SIPA1L2: variants seen among roughly 807,000 people sequenced by gnomAD.
SIPA1L2 encodes signal induced proliferation associated 1 like 2.
SIPA1L2 carries 56 observed loss-of-function variants against 163.9 expected under a neutral mutation model. The observed-to-expected ratio is 0.34, with a 90% CI of 0.28 to 0.43. The LOEUF (loss-of-function observed/expected upper bound fraction) is 0.43. Among genes scored for constraint, SIPA1L2 ranks in the 20% least tolerant of loss-of-function variants. SIPA1L2 has a pLI of 1.00. For missense variants in SIPA1L2, 1,974 were observed against 2,193.5 expected, an observed-to-expected ratio of 0.90 and a Z score of 2.00; for synonymous variants, 877 against 865.7, an observed-to-expected ratio of 1.01 and a Z score of -0.23.
chr1:232,523,841 T>A (rs909134392), intron 2 of SIPA1L2, among the ~76,000 whole-genome samples: 6 of 152,232 alleles, frequency 3.9e-5, no homozygotes, highest in Admixed American at 3.9e-4. Flanking sequence ...ATCACTGTAT[T>A]CTTTATTAAA....
At chr1:232,611,484 A>T (rs943284742) in intron 1 of SIPA1L2, among the ~76,000 whole-genome samples, 3 of 152,186 alleles carry the variant, frequency 2.0e-5, no homozygotes, top group African/African-American at 7.2e-5. Context: ...CCTGATAGTG[A>T]TATGAACAAT....
chr1:232,621,815 G>A (rs571517204), intron 1 of SIPA1L2, among the ~76,000 whole-genome samples: 36 of 151,512 alleles, frequency 2.4e-4, no homozygotes, highest in Admixed American at 2.0e-3. Flanking sequence ...CCGTAACCTC[G>A]AACGCCTGGG....
chr1:232,442,279 G>A lies in SIPA1L2; in HGVS notation c.3438-411C>T, dbSNP rs78094899. 0.027 allele frequency among the ~76,000 whole-genome samples: 4,075 copies of A among 151,798 alleles called. 507 individuals carry two copies. In the East Asian group the frequency reaches 0.39, roughly 15 times the overall value. ...AGAAAAAAAAAAAGGGCCGGGCACG[G>A]TGGCTCCTGCCTGTAATCCCAGCAC... On this transcript the variant is annotated intron_variant, in intron 12 of 22. Coordinates refer to ENST00000674635, the MANE Select transcript of SIPA1L2 (RefSeq NM_020808.5).
intron 2 of SIPA1L2, among the ~76,000 whole-genome samples, chr1:232,569,880 T>C (rs182830519): frequency 9.2e-5 from 14 of 152,288 alleles, no homozygotes; most frequent in African/African-American, 3.4e-4. Context: ...AGAATTCTAC[T>C]GGCCTTACGA....
Position 232,589,039 on chromosome 1 carries a change from T to G in SIPA1L2, c.-318-14817A>C, listed in dbSNP as rs116089998. Reference sequence around the variant, plus strand: ...TTTTCCAGAGTGTAAAAAAAAGGCATGAGACTAAAATAATTGAGAAGCACT... The same window carrying G: ...TTTTCCAGAGTGTAAAAAAAAGGCAGGAGACTAAAATAATTGAGAAGCACT... On this transcript the variant is annotated intron_variant, in intron 1 of 22. Coordinates refer to ENST00000674635, the MANE Select transcript of SIPA1L2 (RefSeq NM_020808.5). Among the ~76,000 whole-genome samples, 929 of 152,262 alleles carry G rather than the reference T, an allele frequency of 6.1e-3. 5 individuals are homozygous for G. The highest frequency in any genetic ancestry group is 1.0e-2 in the Non-Finnish European group (679 of 68,020).
intron 1 of SIPA1L2, among the ~76,000 whole-genome samples, chr1:232,576,767 A>G (rs1168195696): frequency 6.6e-6 from 1 of 152,238 alleles, no homozygotes; most frequent in Non-Finnish European, 1.5e-5. Context: ...ACAAATGATA[A>G]GAAAGCAAAA....
In SIPA1L2 at chr1:232,530,440, C is replaced by A. The variant is rs954654814; in HGVS notation, c.-269-14832G>T. Among the ~76,000 whole-genome samples, 11 of 152,088 alleles carry A rather than the reference C, an allele frequency of 7.2e-5. No homozygotes were observed. The East Asian group carries it at 1.5e-3, about 21-fold the overall frequency. Reference sequence around the variant, plus strand: ...CCATTTATTCTACTTGCATTTACAACCCCTGTCACATTTTAGCCATGGAGT... The same window carrying A: ...CCATTTATTCTACTTGCATTTACAAACCCTGTCACATTTTAGCCATGGAGT... On this transcript the variant is annotated intron_variant, in intron 2 of 22. Coordinates refer to ENST00000674635, the MANE Select transcript of SIPA1L2 (RefSeq NM_020808.5).
intron 5 of SIPA1L2, among the ~76,000 whole-genome samples, chr1:232,484,774 CT>C (rs1435612667): frequency 6.6e-6 from 1 of 152,138 alleles, no homozygotes; most frequent in East Asian, 1.9e-4. Flanking sequence ...AGAGGAACTG[CT>C]TCTAACTCAT....
chr1:232,508,813 T>C (rs74230922), intron 3 of SIPA1L2, among the ~76,000 whole-genome samples: 9,847 of 152,274 alleles, frequency 0.065, 710 homozygotes, highest in African/African-American at 0.17. Context: ...CTGTTTTGGC[T>C]GGGTGCGGTG....
intron 2 of SIPA1L2, among the ~76,000 whole-genome samples, chr1:232,544,333 G>A (rs913600224): frequency 1.3e-5 from 2 of 152,154 alleles, no homozygotes; most frequent in African/African-American, 2.4e-5. Context: ...AGACCAAGTC[G>A]GGTGGATCAC....
intron 19 of SIPA1L2, among the ~76,000 whole-genome samples, chr1:232,407,317 A>G (rs1660699637): frequency 1.3e-5 from 2 of 152,164 alleles, no homozygotes; most frequent in East Asian, 1.9e-4. Context: ...GTTACTCAGT[A>G]AGTCACATTT....
At chr1:232,518,797 T>C (rs1442416495) in intron 2 of SIPA1L2, among the ~76,000 whole-genome samples, 1 of 152,218 alleles carries the variant, frequency 6.6e-6, no homozygotes, top group Admixed American at 6.5e-5. Flanking sequence ...ATTTGTTTTC[T>C]TCCCCATTTT....
At chr1:232,579,692 C>CTATT (rs1193522118) in intron 1 of SIPA1L2, among the ~76,000 whole-genome samples, 1 of 152,206 alleles carries the variant, frequency 6.6e-6, no homozygotes, top group East Asian at 1.9e-4. Flanking sequence ...GTGAGCTTCC[C>CTATT]TATTCCATGC....
chr1:232,629,650 C>A (rs907820338), intron 1 of SIPA1L2, among the ~76,000 whole-genome samples: 2 of 152,186 alleles, frequency 1.3e-5, no homozygotes, highest in Admixed American at 1.3e-4. Context: ...GGCGGCTCCT[C>A]TTCCAGCCGG....
intron 1 of SIPA1L2, among the ~76,000 whole-genome samples, chr1:232,587,800 G>C (rs1660749388): frequency 6.6e-6 from 1 of 152,120 alleles, no homozygotes; most frequent in South Asian, 2.1e-4. Flanking sequence ...ACTAAACCAT[G>C]GTGGCGGTTT....
At chr1:232,619,391 A>G (rs1206229889) in intron 1 of SIPA1L2, among the ~76,000 whole-genome samples, 1 of 152,234 alleles carries the variant, frequency 6.6e-6, no homozygotes, top group Non-Finnish European at 1.5e-5. Context: ...CACCTGACAC[A>G]TAGCCATCAA....
rs745562345 is a variant in SIPA1L2 at position 232,465,017 on chromosome 1, G to A, written c.2643C>T (p.Ile881=). 2.5e-6 allele frequency: 4 copies of A among 1,614,162 alleles called. No individual in the cohort carries two copies. The highest frequency in any genetic ancestry group is 3.4e-6 in the Non-Finnish European group (4 of 1,180,028). Residue 881 remains isoleucine, a synonymous_variant, in exon 9 of 23, where the codon ATC becomes ATT. Transcript: ENST00000674635. The surrounding 1 kb of genome is among the most constrained non-coding windows in gnomAD (Gnocchi z 4.1). ...ECLLGISNEF[I]MLIEKDSKNV... ...TCTTGGAATCCTTTTCAATCAACAT[G>A]ATGAACTCATTGGAGATCCCGAGAA...
At chr1:232,542,288 T>C (rs760786781) in intron 2 of SIPA1L2, among the ~76,000 whole-genome samples, 37 of 152,224 alleles carry the variant, frequency 2.4e-4, no homozygotes, top group Non-Finnish European at 5.0e-4. Context: ...ACTGAGGTGA[T>C]GGGGCACAAT....
At chr1:232,445,898 G>T in intron 10 of SIPA1L2, 112 bp from the exon 11 acceptor site, 2 of 1,220,754 alleles carry the variant, frequency 1.6e-6, no homozygotes, top group Non-Finnish European at 2.3e-6. Context: ...GCCTCTCCCG[G>T]CTCCAAGTCA....
Sources: gnomAD v4.1 joint callset for allele counts (sites outside exome capture counted in the v4.1 genomes callset) on GRCh38, gnomAD v4.1.1 for gene constraint, Gnocchi (gnomAD v3.1) non-coding constraint, MANE v1.5 for transcripts, NCBI Gene and HGNC (gene_info 2026-07-23, HGNC 2026-07-21) for gene names.